SEMA6D: variants seen among roughly 807,000 people sequenced by gnomAD.
SEMA6D encodes the protein semaphorin-6D.
In SEMA6D, 35 loss-of-function variants were observed where a neutral mutation model predicts 106.6. The ratio of observed to expected loss-of-function variants is 0.33; its 90% CI spans 0.25 to 0.44. The LOEUF (loss-of-function observed/expected upper bound fraction) is 0.44, where lower values mean the gene tolerates loss of function less well. SEMA6D is among the 20% of genes least tolerant of loss of function. SEMA6D has a pLI of 1.00. For synonymous variants in SEMA6D, 499 were observed against 487.7 expected (o/e 1.02, Z -0.31); for missense variants, 1,185 against 1,345.9 (o/e 0.88, Z 1.87).
At chr15:47,274,933 A>C (rs762301163) in intron 1 of SEMA6D, 1 of 152,206 alleles carries the variant, frequency 6.6e-6, no homozygotes, top group Non-Finnish European at 1.5e-5. Context: ...CTACAAACGA[A>C]CCTATGGATG....
At chr15:47,431,609 A>G (rs2041525480) in intron 2 of SEMA6D, among the ~76,000 whole-genome samples, 2 of 152,094 alleles carry the variant, frequency 1.3e-5, no homozygotes, top group Admixed American at 1.3e-4. Flanking sequence ...AACTGCCACT[A>G]TGGACAGCAG....
In SEMA6D at chr15:47,759,870, T is replaced by C; in HGVS notation, c.72T>C (p.Pro24=). Residue 24 remains proline (P), a synonymous_variant, in exon 2 of 19, where the codon CCT becomes CCC. Coordinates refer to ENST00000536845, the MANE Select transcript of SEMA6D (RefSeq NM_001358351.3). ...MVSQLRAVSF[P]EDDEPLNTVD... ...CCCAGTTGAGGGCAGTCAGCTTTCCTGAAGATGATGAACCCCTTAATACTG... is the reference window on the plus strand; with the variant it reads ...CCCAGTTGAGGGCAGTCAGCTTTCCCGAAGATGATGAACCCCTTAATACTG... 8 of 1,613,620 alleles carry C rather than the reference T, an allele frequency of 5.0e-6. No individual in the cohort carries two copies. Among genetic ancestry groups the C allele is most frequent in the Non-Finnish European group, 6.8e-6 (8 of 1,179,576 alleles).
At chr15:47,486,050 A>G (rs899249106) in intron 3 of SEMA6D, among the ~76,000 whole-genome samples, 1 of 152,208 alleles carries the variant, frequency 6.6e-6, no homozygotes, top group African/African-American at 2.4e-5. Context: ...CAAGTGTCTA[A>G]TAAAGCCAAA....
chr15:47,753,774 G>C (rs1045178089), intron 1 of SEMA6D, among the ~76,000 whole-genome samples: 3 of 152,156 alleles, frequency 2.0e-5, no homozygotes, highest in African/African-American at 7.2e-5. Context: ...CTTTTTGTAA[G>C]ATCATGGAGG....
intron 3 of SEMA6D, among the ~76,000 whole-genome samples, chr15:47,558,390 A>G (rs1402286745): frequency 1.3e-5 from 2 of 152,126 alleles, no homozygotes; most frequent in African/African-American, 4.8e-5. Flanking sequence ...AGTCATGTAC[A>G]TAAAGAGCAA....
intron 4 of SEMA6D, among the ~76,000 whole-genome samples, chr15:47,678,679 C>T (rs1184983816): frequency 6.6e-6 from 1 of 151,908 alleles, no homozygotes; most frequent in African/African-American, 2.4e-5. Flanking sequence ...TTTTCTATTC[C>T]CCTTTAGCCA....
At chr15:47,767,768 T>C (rs567389244) in intron 17 of SEMA6D, among the ~76,000 whole-genome samples, 2 of 152,334 alleles carry the variant, frequency 1.3e-5, no homozygotes, top group East Asian at 1.9e-4. Flanking sequence ...GAAAATCTAT[T>C]TGGAGGAAAT....
At chr15:47,542,825 A>T (rs537965918) in intron 3 of SEMA6D, among the ~76,000 whole-genome samples, 33 of 152,274 alleles carry the variant, frequency 2.2e-4, no homozygotes, top group Non-Finnish European at 4.4e-4. Context: ...TGTCTGTTCA[A>T]GTTAGCTATG....
chr15:47,598,102 T>C (rs891627394), intron 3 of SEMA6D, among the ~76,000 whole-genome samples: 1 of 151,998 alleles, frequency 6.6e-6, no homozygotes, highest in African/African-American at 2.4e-5. Flanking sequence ...AAGGAGATTA[T>C]ACTGTAAAGC....
At chr15:47,650,015 C>T (rs977859225) in intron 4 of SEMA6D, among the ~76,000 whole-genome samples, 1 of 152,162 alleles carries the variant, frequency 6.6e-6, no homozygotes, top group African/African-American at 2.4e-5. Flanking sequence ...GCCCCACATG[C>T]CCTCTTCTCA....
chr15:47,522,857 A>G (rs1025770903), intron 3 of SEMA6D, among the ~76,000 whole-genome samples: 2 of 152,198 alleles, frequency 1.3e-5, no homozygotes, highest in African/African-American at 4.8e-5. Flanking sequence ...CTTTACCAAG[A>G]TATTTACAGG....
chr15:47,714,527 A>T (rs12910903), upstream of SEMA6D, among the ~76,000 whole-genome samples: 2 of 152,044 alleles, frequency 1.3e-5, no homozygotes, highest in African/African-American at 4.8e-5. Flanking sequence ...TAATTTTCAG[A>T]TGACCGTTAT....
chr15:47,599,959 T>C (rs1244879745), intron 3 of SEMA6D, among the ~76,000 whole-genome samples: 1 of 152,086 alleles, frequency 6.6e-6, no homozygotes, highest in Non-Finnish European at 1.5e-5. Context: ...AGGAAAAGCT[T>C]CCAGTTCCTA....
At chr15:47,627,992 C>T (rs1303700595) in intron 4 of SEMA6D, among the ~76,000 whole-genome samples, 2 of 151,934 alleles carry the variant, frequency 1.3e-5, no homozygotes, top group African/African-American at 4.8e-5. Context: ...CTGAAGAGTC[C>T]TCTTTATCAT....
At chr15:47,344,773 CTT>C (rs2037976070) in intron 1 of SEMA6D, among the ~76,000 whole-genome samples, 1 of 152,128 alleles carries the variant, frequency 6.6e-6, no homozygotes, top group East Asian at 1.9e-4. Flanking sequence ...AAGTAAAACT[CTT>C]TTGTTTGCAG....
At chr15:47,443,758 G>C (rs1596009453) in intron 2 of SEMA6D, among the ~76,000 whole-genome samples, 1 of 152,234 alleles carries the variant, frequency 6.6e-6, no homozygotes, top group East Asian at 1.9e-4. Context: ...TCAATATACA[G>C]TTACCAAACT....
intron 3 of SEMA6D, among the ~76,000 whole-genome samples, chr15:47,550,318 A>G (rs1241282618): frequency 6.6e-6 from 1 of 152,160 alleles, no homozygotes; most frequent in Non-Finnish European, 1.5e-5. Flanking sequence ...TTTCTGTAAT[A>G]CCACAAGAGA....
rs114118730 is a variant in SEMA6D at position 47,326,142 on chromosome 15, G to T, written c.-238-86251G>T. Among the ~76,000 whole-genome samples, 202 of 152,220 alleles carry T rather than the reference G, an allele frequency of 1.3e-3. 2 individuals carry two copies. Among genetic ancestry groups the T allele is most frequent in the African/African-American group, 4.8e-3 (198 of 41,534 alleles). On this transcript the variant is annotated intron_variant, in intron 1 of 19. Coordinates refer to the SEMA6D transcript ENST00000558014. ...TACATGTTAAACCATTACCGAGACG[G>T]ATTCTCTAATGCAATTTTCACTAAT... is the stretch of plus-strand genomic sequence containing the variant.
chr15:47,316,385 A>G lies in SEMA6D; in HGVS notation c.-238-96008A>G, dbSNP rs201154396. ...GGGATTACATGCTTGAGCCACTGCA[A>G]CTGGCCTCCTTTTCTTATCTTATTG... On this transcript the variant is annotated intron_variant, in intron 1 of 19. Coordinates refer to the SEMA6D transcript ENST00000558014. 1.9e-4 allele frequency among the ~76,000 whole-genome samples: 29 copies of G among 152,006 alleles called. No individual in the cohort carries two copies. The East Asian group carries it at 2.1e-3, about 11-fold the overall frequency.
Sources: gnomAD v4.1 joint callset for allele counts (sites outside exome capture counted in the v4.1 genomes callset) on GRCh38, gnomAD v4.1.1 for gene constraint, MANE v1.5 for transcripts, NCBI Gene and HGNC (gene_info 2026-07-23, HGNC 2026-07-21) for gene names.